The following EXOC4 variants were observed in gnomAD, a reference collection of about 807,000 sequenced individuals.
The protein encoded by EXOC4 is exocyst complex component 4.
A neutral mutation model predicts 107.2 loss-of-function variants in EXOC4; 71 were observed. The observed-to-expected ratio is 0.66, with a 90% CI of 0.55 to 0.81. The LOEUF (loss-of-function observed/expected upper bound fraction) is 0.81, where lower values mean the gene tolerates loss of function less well. Ranked by LOEUF, EXOC4 falls within the 30% of genes least tolerant of loss-of-function variation. EXOC4 has a pLI of 0.00. For synonymous variants in EXOC4, 456 were observed against 441.2 expected (o/e 1.03, Z -0.42); for missense variants, 1,108 against 1,189.6 (o/e 0.93, Z 1.01).
intron 10 of EXOC4, among the ~76,000 whole-genome samples, chr7:133,779,888 T>C (rs919507660): frequency 2.0e-5 from 3 of 150,256 alleles, no homozygotes; most frequent in Non-Finnish European, 3.0e-5. Flanking sequence ...GCAGCAACAT[T>C]TATTGTGAAG....
chr7:133,441,370 T>G (rs1798099702), intron 7 of EXOC4, among the ~76,000 whole-genome samples: 1 of 152,160 alleles, frequency 6.6e-6, no homozygotes, highest in African/African-American at 2.4e-5. Flanking sequence ...GCATATTTTA[T>G]GGAGCAAGGG....
intron 10 of EXOC4, among the ~76,000 whole-genome samples, chr7:133,787,968 TATATATA>T (rs1562997686): frequency 0.01 from 219 of 21,326 alleles, 13 homozygotes; most frequent in Non-Finnish European, 0.016. Flanking sequence ...TATATTTATA[TATATATA>T]TATATATATA....
At chr7:133,885,299 T>G (rs1479587240) in intron 11 of EXOC4, among the ~76,000 whole-genome samples, 2 of 145,096 alleles carry the variant, frequency 1.4e-5, no homozygotes, top group Non-Finnish European at 3.0e-5. Flanking sequence ...GGTGACAGAG[T>G]GAGACCCCGT....
chr7:133,340,081 T>G (rs1371173816), intron 5 of EXOC4, among the ~76,000 whole-genome samples: 1 of 152,218 alleles, frequency 6.6e-6, no homozygotes, highest in Non-Finnish European at 1.5e-5. Flanking sequence ...TATCCTTGTC[T>G]TGTTCCAGTT....
intron 7 of EXOC4, among the ~76,000 whole-genome samples, chr7:133,388,954 T>A (rs187903958): frequency 1.4e-3 from 210 of 152,358 alleles, no homozygotes; most frequent in African/African-American, 4.9e-3. Flanking sequence ...TCATTTGCTA[T>A]TTATTTTTGT....
chr7:133,314,303 A>G (rs1346391518), intron 4 of EXOC4, among the ~76,000 whole-genome samples: 1 of 152,154 alleles, frequency 6.6e-6, no homozygotes, highest in Non-Finnish European at 1.5e-5. Flanking sequence ...AACTTTTGAG[A>G]CTAAGTCCTT....
At chr7:133,417,516 A>G (rs1797506533) in intron 7 of EXOC4, among the ~76,000 whole-genome samples, 1 of 152,214 alleles carries the variant, frequency 6.6e-6, no homozygotes, top group African/African-American at 2.4e-5. Flanking sequence ...TAGTGACTAT[A>G]AGAAACCAGG....
intron 7 of EXOC4, among the ~76,000 whole-genome samples, chr7:133,446,973 C>G (rs1798235486): frequency 6.6e-6 from 1 of 152,208 alleles, no homozygotes; most frequent in Non-Finnish European, 1.5e-5. Flanking sequence ...CCTCTCTAGG[C>G]TGCAGTTTAC....
intron 11 of EXOC4, among the ~76,000 whole-genome samples, chr7:133,842,961 T>C (rs1798052200): frequency 6.6e-6 from 1 of 152,150 alleles, no homozygotes; most frequent in Non-Finnish European, 1.5e-5. Flanking sequence ...AGTCAGATGG[T>C]TGTAGATGTG....
At chr7:133,614,395 G>C (rs1802141196) in intron 9 of EXOC4, among the ~76,000 whole-genome samples, 4 of 152,076 alleles carry the variant, frequency 2.6e-5, no homozygotes, top group African/African-American at 9.7e-5. Flanking sequence ...CTTTGTCCCT[G>C]AAGTCAGGAA....
intron 10 of EXOC4, among the ~76,000 whole-genome samples, chr7:133,661,699 A>C (rs1382027437): frequency 2.8e-5 from 4 of 143,056 alleles, no homozygotes; most frequent in Non-Finnish European, 4.7e-5. Context: ...CAAAAAAAAA[A>C]AAAACAAGAA....
At chr7:133,838,886 C>T (rs1474942240) in intron 11 of EXOC4, among the ~76,000 whole-genome samples, 3 of 152,174 alleles carry the variant, frequency 2.0e-5, no homozygotes, top group Middle Eastern at 3.2e-3. Flanking sequence ...AACAATGTGG[C>T]AGCTGGATTT....
At position 133,822,295 on chromosome 7, in the gene EXOC4, C is replaced by CAG. The variant is rs1204135116; in HGVS notation, c.1734+4753_1734+4754dup. Among the ~76,000 whole-genome samples, 7 of 152,224 alleles carry CAG rather than the reference C, an allele frequency of 4.6e-5. No homozygotes were observed. The South Asian group carries it at 1.2e-3, about 27-fold the overall frequency. On this transcript the variant is annotated intron_variant, in intron 11 of 17. Coordinates refer to ENST00000253861, the MANE Select transcript of EXOC4 (RefSeq NM_021807.4). ...TATTCATTCCTTAAACATGAGGAGA[C>CAG]AGACGGAACTGATTCAGTTCATTTC...
intron 17 of EXOC4, among the ~76,000 whole-genome samples, chr7:134,049,786 C>T (rs1795739327): frequency 6.6e-6 from 1 of 152,148 alleles, no homozygotes; most frequent in Non-Finnish European, 1.5e-5. Flanking sequence ...CCTGGTTTGT[C>T]ATTGATGCTG....
chr7:133,754,037 T>C (rs1276125040), intron 10 of EXOC4, among the ~76,000 whole-genome samples: 1 of 152,232 alleles, frequency 6.6e-6, no homozygotes, highest in East Asian at 1.9e-4. Context: ...ACGTAGAGGA[T>C]GTTTTGAATG....
chr7:133,824,260 T>G (rs1278750225), intron 11 of EXOC4, among the ~76,000 whole-genome samples: 1 of 151,936 alleles, frequency 6.6e-6, no homozygotes, highest in African/African-American at 2.4e-5. Flanking sequence ...ACTGCTTTGA[T>G]GTGTTACCTG....
chr7:133,598,605 A>C (rs1211696850), intron 9 of EXOC4, among the ~76,000 whole-genome samples: 1 of 152,226 alleles, frequency 6.6e-6, no homozygotes, highest in Admixed American at 6.5e-5. Context: ...CTACTTTTGC[A>C]ACTGTACATT....
chr7:133,957,331 A>T (rs1800840740), intron 14 of EXOC4, among the ~76,000 whole-genome samples: 2 of 152,214 alleles, frequency 1.3e-5, no homozygotes, highest in Non-Finnish European at 2.9e-5. Context: ...CAGAATACTG[A>T]TACTTCCTTA....
intron 9 of EXOC4, among the ~76,000 whole-genome samples, chr7:133,490,447 G>C (rs1006719448): frequency 1.3e-5 from 2 of 152,112 alleles, no homozygotes; most frequent in African/African-American, 4.8e-5. Context: ...CTTAAACTCG[G>C]TTATAACAGA....
Sources: gnomAD v4.1 joint callset for allele counts (sites outside exome capture counted in the v4.1 genomes callset) on GRCh38, gnomAD v4.1.1 for gene constraint, MANE v1.5 for transcripts, NCBI Gene and HGNC (gene_info 2026-07-23, HGNC 2026-07-21) for gene names.